The following EPHA6 variants were observed in gnomAD, a reference collection of about 807,000 sequenced individuals.
EPHA6 encodes the protein EPH receptor A6, also known as ephrin type-A receptor 6.
A neutral mutation model predicts 112.0 loss-of-function variants in EPHA6; 50 were observed. That is an observed-to-expected ratio of 0.45 (90% CI 0.36 to 0.56). The LOEUF (loss-of-function observed/expected upper bound fraction) is 0.56, where lower values mean the gene tolerates loss of function less well. Among genes scored for constraint, EPHA6 ranks in the 20% least tolerant of loss-of-function variants. EPHA6 has a pLI of 0.00. For missense variants in EPHA6, 1,280 were observed against 1,417.4 expected (o/e 0.90, Z 1.56); for synonymous variants, 529 against 490.7 (o/e 1.08, Z -1.03).
chr3:96,928,324 CTGTT>C (rs1470987636), intron 2 of EPHA6, among the ~76,000 whole-genome samples: 2 of 152,124 alleles, frequency 1.3e-5, no homozygotes, highest in Non-Finnish European at 1.5e-5. Flanking sequence ...GGTATATTAG[CTGTT>C]TGTTATCATT....
intron 14 of EPHA6, among the ~76,000 whole-genome samples, chr3:97,705,915 C>T (rs779320445): frequency 6.6e-6 from 1 of 152,154 alleles, no homozygotes; most frequent in Non-Finnish European, 1.5e-5. Flanking sequence ...TGTTATGCCA[C>T]GCAGTGCTCC....
intron 6 of EPHA6, among the ~76,000 whole-genome samples, chr3:97,438,189 T>C (rs900789259): frequency 1.5e-4 from 23 of 152,206 alleles, no homozygotes; most frequent in African/African-American, 5.3e-4. Context: ...GAAAAATCTG[T>C]ATCTCATCTA....
At chr3:96,872,555 G>A (rs1576199580) in intron 2 of EPHA6, among the ~76,000 whole-genome samples, 1 of 152,040 alleles carries the variant, frequency 6.6e-6, no homozygotes, top group East Asian at 1.9e-4. Flanking sequence ...GTTTGAGAAA[G>A]TCTTTATATC....
At chr3:97,576,430 C>T (rs2093386173) in intron 11 of EPHA6, among the ~76,000 whole-genome samples, 1 of 152,144 alleles carries the variant, frequency 6.6e-6, no homozygotes, top group South Asian at 2.1e-4. Flanking sequence ...ATCAACTGCG[C>T]TGGCAGACAC....
chr3:97,637,727 T>A, intron 13 of EPHA6, 146 bp from the exon 14 acceptor site: 1 of 617,566 alleles, frequency 1.6e-6, no homozygotes, highest in East Asian at 2.8e-5. Flanking sequence ...ATTATTACTT[T>A]TCCTTATGAA....
intron 4 of EPHA6, among the ~76,000 whole-genome samples, chr3:97,227,326 T>G (rs1278608697): frequency 6.6e-6 from 1 of 151,956 alleles, no homozygotes; most frequent in Non-Finnish European, 1.5e-5. Context: ...ATTCAAGCGA[T>G]TCTCCTGCCT....
intron 3 of EPHA6, among the ~76,000 whole-genome samples, chr3:97,053,256 A>T (rs954590183): frequency 6.6e-6 from 1 of 152,066 alleles, no homozygotes; most frequent in Non-Finnish European, 1.5e-5. Flanking sequence ...GGGTTATAGT[A>T]AGTAAGGGTA....
At chr3:97,591,527 T>C (rs1036203381) in intron 11 of EPHA6, among the ~76,000 whole-genome samples, 1 of 152,134 alleles carries the variant, frequency 6.6e-6, no homozygotes, top group African/African-American at 2.4e-5. Flanking sequence ...AATACAGTCC[T>C]TACAATCATC....
chr3:97,053,844 C>G (rs1341719801), intron 3 of EPHA6, among the ~76,000 whole-genome samples: 2 of 152,074 alleles, frequency 1.3e-5, no homozygotes, highest in South Asian at 2.1e-4. Context: ...CAGAGTACCT[C>G]ATTTTCATGT....
intron 6 of EPHA6, among the ~76,000 whole-genome samples, chr3:97,437,871 T>C (rs1303597366): frequency 1.3e-5 from 2 of 152,122 alleles, no homozygotes; most frequent in Admixed American, 6.6e-5. Flanking sequence ...TTATCTATCC[T>C]CAGTAGTCCA....
intron 5 of EPHA6, among the ~76,000 whole-genome samples, chr3:97,367,451 G>A (rs2084799217): frequency 6.6e-6 from 1 of 152,102 alleles, no homozygotes; most frequent in South Asian, 2.1e-4. Context: ...GGTGGCCGGT[G>A]ACGGCTTCTT....
intron 11 of EPHA6, among the ~76,000 whole-genome samples, chr3:97,563,251 A>G (rs2093216977): frequency 6.6e-6 from 1 of 152,130 alleles, no homozygotes; most frequent in African/African-American, 2.4e-5. Flanking sequence ...GATGTGAGGA[A>G]AGGCTTATTG....
chr3:97,600,755 G>C (rs2107404155), intron 12 of EPHA6, among the ~76,000 whole-genome samples: 1 of 151,774 alleles, frequency 6.6e-6, no homozygotes, highest in African/African-American at 2.4e-5. Context: ...ATAAAGTTAT[G>C]CTGAACTGAC....
At chr3:96,960,045 C>T (rs2041902837) in intron 2 of EPHA6, among the ~76,000 whole-genome samples, 1 of 151,904 alleles carries the variant, frequency 6.6e-6, no homozygotes, top group Admixed American at 6.6e-5. Context: ...ATAAACACAC[C>T]CTGAGAAAGT....
intron 2 of EPHA6, among the ~76,000 whole-genome samples, chr3:96,981,438 T>C (rs1232480457): frequency 1.3e-5 from 2 of 152,200 alleles, no homozygotes; most frequent in East Asian, 3.8e-4. Context: ...GATGTGCTGC[T>C]AGATTTGTTT....
intron 2 of EPHA6, among the ~76,000 whole-genome samples, chr3:96,868,737 C>T (rs1272106604): frequency 1.3e-5 from 2 of 151,820 alleles, no homozygotes; most frequent in African/African-American, 4.8e-5. Context: ...ATGTATTTCT[C>T]AGGAATAACT....
intron 3 of EPHA6, among the ~76,000 whole-genome samples, chr3:97,218,131 C>A (rs983708099): frequency 6.6e-6 from 1 of 151,944 alleles, no homozygotes; most frequent in Non-Finnish European, 1.5e-5. Context: ...AATTAGCTGG[C>A]ATGGTGGTGC....
At chr3:97,418,610 T>G (rs9849273) in intron 6 of EPHA6, among the ~76,000 whole-genome samples, 18,750 of 151,868 alleles carry the variant, frequency 0.12, 3,703 homozygotes, top group African/African-American at 0.41. Context: ...AGAATAAGGG[T>G]AAAATATTGG....
intron 3 of EPHA6, among the ~76,000 whole-genome samples, chr3:97,157,736 C>T (rs1399050375): frequency 6.6e-6 from 1 of 152,082 alleles, no homozygotes; most frequent in Non-Finnish European, 1.5e-5. Flanking sequence ...TGTCCCAGCT[C>T]AATCAGTAAG....
Sources: gnomAD v4.1 joint callset for allele counts (sites outside exome capture counted in the v4.1 genomes callset) on GRCh38, gnomAD v4.1.1 for gene constraint, MANE v1.5 for transcripts, NCBI Gene and HGNC (gene_info 2026-07-23, HGNC 2026-07-21) for gene names.